Variants in TMEM26 observed in about 807,000 individuals in gnomAD.
TMEM26 encodes the protein transmembrane protein 26.
In TMEM26, 38 loss-of-function variants were observed where a neutral mutation model predicts 28.8. That is an observed-to-expected ratio of 1.32 (90% CI 1.02 to 1.73). TMEM26 has a LOEUF of 1.73. TMEM26 is among the 40% of genes most tolerant of loss of function. The pLI, the probability that TMEM26 is intolerant of heterozygous loss-of-function variation, is 0.00. For missense variants in TMEM26, 518 were observed against 447.1 expected (o/e 1.16, Z -1.43); for synonymous variants, 227 against 182.9 (o/e 1.24, Z -1.95).
intron 1 of TMEM26, 77 bp from the exon 2 acceptor site, chr10:61,436,325 G>GAA: frequency 4.6e-6 from 4 of 877,632 alleles, no homozygotes; most frequent in South Asian, 1.8e-5. Context: ...GAGGAAGAAT[G>GAA]AAAAAAAAAT....
Position 61,416,640 on chromosome 10 carries a change from T to C in TMEM26, c.606-3105A>G, listed in dbSNP as rs1474997648. On this transcript the variant is annotated intron_variant, in intron 4 of 5. Transcript: ENST00000399298. ...TTTTCCTTGCCTGACATGTCTTTGC[T>C]TATAAAATTGGGATAATAAAAAAAT... Among the ~76,000 whole-genome samples the C allele has an allele frequency of 2.0e-5, 3 of 152,166 alleles. No individual in the cohort carries two copies. The East Asian group carries it at 5.8e-4, about 29-fold the overall frequency.
intron 4 of TMEM26, among the ~76,000 whole-genome samples, chr10:61,424,876 G>C (rs560827021): frequency 6.6e-6 from 1 of 152,276 alleles, no homozygotes; most frequent in Non-Finnish European, 1.5e-5. Flanking sequence ...GAATGGGGCA[G>C]TGCCAAAAAT....
At chr10:61,448,114 G>T (rs879741195) in intron 1 of TMEM26, among the ~76,000 whole-genome samples, 1 of 152,254 alleles carries the variant, frequency 6.6e-6, no homozygotes, top group Non-Finnish European at 1.5e-5. Context: ...AAAAGACTCT[G>T]TGCCTTCTCC....
In TMEM26 at chr10:61,409,410, C is replaced by T. The variant is rs1195921664; in HGVS notation, c.*912G>A. 6.6e-6 allele frequency: 1 copy of T among 152,234 alleles called. No homozygotes were observed. Among genetic ancestry groups the T allele is most frequent in the Non-Finnish European group, 1.5e-5 (1 of 68,086 alleles). 9.4% of individuals were successfully genotyped at this position (152,234 alleles called of 1,614,324 possible). On this transcript the variant is annotated 3_prime_UTR_variant, in exon 6 of 6. Transcript: ENST00000399298. ...TTCAAAGAAGCTGCAGCTTTGTTCA[C>T]TACTGCTGGCAGACACCAGAAACCA...
intron 4 of TMEM26, among the ~76,000 whole-genome samples, chr10:61,420,349 G>T (rs1158140281): frequency 2.6e-5 from 4 of 152,096 alleles, no homozygotes; most frequent in African/African-American, 9.7e-5. Context: ...TGGGGTGGAA[G>T]AGGTGGAAGA....
chr10:61,412,037 G>A (rs1363996581), intron 5 of TMEM26, among the ~76,000 whole-genome samples: 2 of 152,120 alleles, frequency 1.3e-5, no homozygotes, highest in East Asian at 1.9e-4. Flanking sequence ...GATATGGGAG[G>A]GTGAGGATCG....
intron 4 of TMEM26, among the ~76,000 whole-genome samples, chr10:61,420,449 C>G (rs541644001): frequency 2.6e-5 from 4 of 152,182 alleles, no homozygotes; most frequent in Admixed American, 2.0e-4. Flanking sequence ...TCGACCCACA[C>G]AGTTCAAACT....
chr10:61,413,340 T>G lies in TMEM26; in HGVS notation c.682+119A>C, dbSNP rs1045967512. 6 of 1,460,558 alleles carry G rather than the reference T, an allele frequency of 4.1e-6. No homozygotes were observed. In the African/African-American group the frequency reaches 7.1e-5, roughly 17 times the overall value. The allele number at this position is 1,460,558 out of a possible 1,614,324, so 90.5% of individuals were successfully genotyped here. ...AATCTACTTTCCTTCTAAGCTGAAC[T>G]AGAACTAATATTGGGATACAGACAT... On this transcript the variant is annotated intron_variant, in intron 5 of 5. Transcript: ENST00000399298.
At chr10:61,418,651 C>T (rs59815717) in intron 4 of TMEM26, among the ~76,000 whole-genome samples, 3 of 152,096 alleles carry the variant, frequency 2.0e-5, no homozygotes, top group Middle Eastern at 3.4e-3. Context: ...TCACACTCAG[C>T]GGTGTGGTCA....
intron 1 of TMEM26, among the ~76,000 whole-genome samples, chr10:61,442,130 C>T (rs1478803431): frequency 6.6e-6 from 1 of 152,042 alleles, no homozygotes; most frequent in East Asian, 1.9e-4. Context: ...TTACTCATTG[C>T]TTTTGTCAGT....
chr10:61,447,239 C>T (rs1216544014), intron 1 of TMEM26, among the ~76,000 whole-genome samples: 1 of 152,168 alleles, frequency 6.6e-6, no homozygotes. Flanking sequence ...GTTTTATTTC[C>T]AAACCTTCTC....
intron 1 of TMEM26, among the ~76,000 whole-genome samples, chr10:61,439,448 G>A (rs1840057432): frequency 6.6e-6 from 1 of 152,176 alleles, no homozygotes; most frequent in Non-Finnish European, 1.5e-5. Context: ...CCGAATTTAT[G>A]AAGGAAGGAA....
At chr10:61,448,159 C>T (rs1276127870) in intron 1 of TMEM26, among the ~76,000 whole-genome samples, 3 of 152,270 alleles carry the variant, frequency 2.0e-5, no homozygotes, top group African/African-American at 7.2e-5. Flanking sequence ...AATTCACCTG[C>T]CCACCCAGGA....
chr10:61,435,811 T>C (rs985726908), intron 2 of TMEM26, among the ~76,000 whole-genome samples: 2 of 152,182 alleles, frequency 1.3e-5, no homozygotes, highest in Non-Finnish European at 2.9e-5. Flanking sequence ...TGCCCATTCT[T>C]AGCACAACAT....
intron 1 of TMEM26, among the ~76,000 whole-genome samples, chr10:61,449,385 TG>T (rs1840238666): frequency 6.6e-6 from 1 of 152,162 alleles, no homozygotes; most frequent in African/African-American, 2.4e-5. Context: ...GAGTTACTAG[TG>T]TTGATGTAAT....
At chr10:61,413,351 T>A in intron 5 of TMEM26, 108 bp downstream of exon 5, 2 of 1,481,938 alleles carry the variant, frequency 1.3e-6, no homozygotes, top group Non-Finnish European at 1.8e-6. Context: ...AGAACTAATA[T>A]TGGGATACAG....
intron 2 of TMEM26, among the ~76,000 whole-genome samples, chr10:61,435,290 C>G (rs1839985464): frequency 6.6e-6 from 1 of 152,174 alleles, no homozygotes; most frequent in Admixed American, 6.5e-5. Context: ...AAGTGATTCT[C>G]CTGCCTTGGC....
intron 1 of TMEM26, among the ~76,000 whole-genome samples, chr10:61,444,005 T>G (rs1840137936): frequency 6.6e-6 from 1 of 152,224 alleles, no homozygotes; most frequent in African/African-American, 2.4e-5. Flanking sequence ...ATCCTAACTG[T>G]CACCATCATG....
intron 1 of TMEM26, among the ~76,000 whole-genome samples, chr10:61,443,504 T>A (rs1056992520): frequency 6.6e-6 from 1 of 151,598 alleles, no homozygotes; most frequent in Non-Finnish European, 1.5e-5. Context: ...ATAGGTTTGT[T>A]TATTCAGTGA....
Sources: allele counts gnomAD v4.1 joint callset (sites outside exome capture counted in the v4.1 genomes callset), GRCh38; gene constraint gnomAD v4.1.1; transcripts MANE v1.5; gene names NCBI Gene and HGNC (gene_info 2026-07-23, HGNC 2026-07-21).